AP4E1: variants seen among roughly 807,000 people sequenced by gnomAD.
AP4E1 encodes adaptor related protein complex 4 subunit epsilon 1.
AP4E1 carries 56 observed loss-of-function variants against 128.2 expected under a neutral mutation model. The ratio of observed to expected loss-of-function variants is 0.44; its 90% CI spans 0.35 to 0.55. The LOEUF (loss-of-function observed/expected upper bound fraction) is 0.55, where lower values mean the gene tolerates loss of function less well. Ranked by LOEUF, AP4E1 falls within the 20% of genes least tolerant of loss-of-function variation. The pLI, the probability that AP4E1 is intolerant of heterozygous loss-of-function variation, is 0.00. For synonymous variants in AP4E1, 484 were observed against 473.1 expected, an observed-to-expected ratio of 1.02 and a Z score of -0.30; for missense variants, 1,324 against 1,307.7, an observed-to-expected ratio of 1.01 and a Z score of -0.19.
chr15:51,001,945 C>A (rs2064968937), intron 20 of AP4E1, among the ~76,000 whole-genome samples: 1 of 152,050 alleles, frequency 6.6e-6, no homozygotes, highest in African/African-American at 2.4e-5. Context: ...GTGGTGCGAT[C>A]TGAGCTCACT....
rs1255960914 is a variant in AP4E1, at chr15:50,908,737, A to ACGGGATCGCGGGCGGCGG, written c.-38_-21dup. Reference sequence around the variant, plus strand: ...CGGCCGGGCATGAAGCCGGGCGGCTACGGGATCGCGGGCGGCGGCGGCATC... The same window carrying ACGGGATCGCGGGCGGCGG: ...CGGCCGGGCATGAAGCCGGGCGGCTACGGGATCGCGGGCGGCGGCGGGATCGCGGGCGGCGGCGGCATC... On this transcript the variant is annotated 5_prime_UTR_variant, in exon 1 of 21. Transcript: ENST00000261842. The ACGGGATCGCGGGCGGCGG allele has an allele frequency of 1.1e-5, 16 of 1,481,642 alleles. No homozygotes were observed. Among genetic ancestry groups the ACGGGATCGCGGGCGGCGG allele is most frequent in the East Asian group, 2.8e-5 (1 of 35,500 alleles). 91.8% of individuals were successfully genotyped at this position (1,481,642 alleles called of 1,614,324 possible).
Position 50,908,723 on chromosome 15 carries a change from G to A in AP4E1, c.-56G>A, listed in dbSNP as rs1035869608. 1.1e-5 allele frequency: 16 copies of A among 1,450,738 alleles called. No individual in the cohort carries two copies. In the East Asian group the frequency reaches 2.0e-4, roughly 18 times the overall value. The allele number at this position is 1,450,738 out of a possible 1,614,324, so 89.9% of individuals were successfully genotyped here. On this transcript the variant is annotated 5_prime_UTR_variant, in exon 1 of 21. It removes an upstream start codon present in the reference 5' UTR. Coordinates refer to ENST00000261842, the MANE Select transcript of AP4E1 (RefSeq NM_007347.5). The stretch of plus-strand genomic sequence containing the variant: ...CGGGCCGGCAGCGGCGGCCGGGCAT[G>A]AAGCCGGGCGGCTACGGGATCGCGG...
rs1193441726 is a variant in AP4E1 at position 50,930,877 on chromosome 15, C to T, written c.775C>T (p.Leu259Phe). Residue 259 changes from leucine (L) to phenylalanine (F), a missense_variant, in exon 7 of 21, where the codon CTC becomes TTC. Coordinates refer to ENST00000261842, the MANE Select transcript of AP4E1 (RefSeq NM_007347.5). ...TILKQVVGGK[L>F]PVEFNYHSVP... ...TTTGAAGCAAGTAGTTGGAGGAAAG[C>T]TCCCAGTAGAATTCAATTACCACAG... 2 of 1,614,078 alleles carry T rather than the reference C, an allele frequency of 1.2e-6. No homozygotes were observed. Among genetic ancestry groups the T allele is most frequent in the Non-Finnish European group, 1.7e-6 (2 of 1,180,004 alleles).
At chr15:50,964,411 T>C (rs1309447422) in intron 14 of AP4E1, among the ~76,000 whole-genome samples, 1 of 152,218 alleles carries the variant, frequency 6.6e-6, no homozygotes, top group Non-Finnish European at 1.5e-5. Flanking sequence ...ATCTGTGTTC[T>C]CTTGTATCTT....
At chr15:50,909,033 C>A (rs1187947050) in intron 1 of AP4E1, 105 bp downstream of exon 1, 2 of 1,528,530 alleles carry the variant, frequency 1.3e-6, no homozygotes, top group South Asian at 1.2e-5. Context: ...GGTTAGCCCT[C>A]CGGCGGGGCT....
rs911478882 is a variant in AP4E1 at position 50,989,777 on chromosome 15, T to C, written c.2091-3593T>C. Among the ~76,000 whole-genome samples the C allele has an allele frequency of 3.3e-5, 5 of 152,244 alleles. No individual in the cohort carries two copies. In the South Asian group the frequency reaches 1.0e-3, roughly 32 times the overall value. On this transcript the variant is annotated intron_variant, in intron 16 of 20. Transcript: ENST00000261842. ...CAGGGCCTTGTAAATGCCATACATA[T>C]ACATCTACTACCCTCAGAGAAATGA... is the stretch of plus-strand genomic sequence containing the variant.
chr15:50,926,457 A>T (rs557397719), intron 5 of AP4E1, among the ~76,000 whole-genome samples: 1 of 151,962 alleles, frequency 6.6e-6, no homozygotes, highest in Non-Finnish European at 1.5e-5. Flanking sequence ...AAGTTGGAAA[A>T]GGTTTGCAAT....
chr15:50,909,867 C>T (rs1366570820), intron 1 of AP4E1, among the ~76,000 whole-genome samples: 1 of 151,996 alleles, frequency 6.6e-6, no homozygotes, highest in Non-Finnish European at 1.5e-5. Context: ...TTGTACTTTT[C>T]GTAGAGACGG....
intron 14 of AP4E1, among the ~76,000 whole-genome samples, chr15:50,960,095 C>T (rs932419945): frequency 2.0e-5 from 3 of 152,136 alleles, no homozygotes; most frequent in Non-Finnish European, 4.4e-5. Context: ...AATACATATG[C>T]ACCCAACACT....
intron 16 of AP4E1, among the ~76,000 whole-genome samples, chr15:50,988,069 T>C (rs1370340906): frequency 2.0e-5 from 3 of 152,178 alleles, no homozygotes; most frequent in African/African-American, 7.2e-5. Flanking sequence ...TGTAACCGTC[T>C]CATTGGAACA....
At chr15:50,967,855 C>T (rs1024910911) in intron 14 of AP4E1, among the ~76,000 whole-genome samples, 1 of 152,168 alleles carries the variant, frequency 6.6e-6, no homozygotes, top group African/African-American at 2.4e-5. Flanking sequence ...TTCTGTTGCC[C>T]AGGCTGAAGT....
intron 8 of AP4E1, among the ~76,000 whole-genome samples, chr15:50,937,745 C>T (rs1170860235): frequency 1.3e-5 from 2 of 152,054 alleles, no homozygotes; most frequent in Non-Finnish European, 2.9e-5. Context: ...GTGGAGGGAA[C>T]ATGAGAGAAG....
rs760369482 is a variant in AP4E1, at chr15:50,929,087, T to G, written c.621T>G (p.His207Gln). ...LIAPNQVQHI[H>Q]IKFRKALCDR... ...CTCCTAATCAAGTACAACATATTCATATTAAGTTTCGGAAAGCACTTTGTG... is the reference window on the plus strand; with the variant it reads ...CTCCTAATCAAGTACAACATATTCAGATTAAGTTTCGGAAAGCACTTTGTG... Residue 207 changes from histidine to glutamine, a missense_variant, in exon 6 of 21, where the codon CAT becomes CAG. Transcript: ENST00000261842. 1 of 1,613,884 alleles carries G rather than the reference T, an allele frequency of 6.2e-7. No individual in the cohort carries two copies. The highest frequency in any genetic ancestry group is 1.7e-5 in the Admixed American group (1 of 60,024).
Position 50,949,833 on chromosome 15 carries a change from C to T in AP4E1, c.1324C>T (p.Pro442Ser), listed in dbSNP as rs772321464. 2 of 1,611,280 alleles carry T rather than the reference C, an allele frequency of 1.2e-6. No individual in the cohort carries two copies. Among genetic ancestry groups the T allele is most frequent in the African/African-American group, 2.7e-5 (2 of 74,850 alleles). The change falls in exon 12 of 21, where the codon CCT becomes TCT. Residue 442 changes from proline to serine, a missense_variant. Physicochemically the swap from Pro to Ser is moderately conservative, Grantham distance 74 (BLOSUM62 -1). Coordinates refer to ENST00000261842, the MANE Select transcript of AP4E1 (RefSeq NM_007347.5). ...TCTTAACACTGTGGACACATATGCT[C>T]CTGATAATGCATGGTTTATTCAGAC... is the stretch of plus-strand genomic sequence containing the variant. Reference protein sequence around the residue: ...KIAELAEKYAPDNAWFIQTMN... With the variant: ...KIAELAEKYASDNAWFIQTMN...
chr15:50,924,139 C>G, intron 4 of AP4E1, 135 bp downstream of exon 4: 2 of 675,628 alleles, frequency 3.0e-6, no homozygotes, highest in Non-Finnish European at 2.6e-6. Context: ...TCTTTTAGAT[C>G]AGTTTCTGCA....
chr15:50,924,631 C>T (rs151108808), intron 4 of AP4E1, among the ~76,000 whole-genome samples: 1 of 152,182 alleles, frequency 6.6e-6, no homozygotes, highest in Non-Finnish European at 1.5e-5. Flanking sequence ...TTCTTCCAAA[C>T]TTAAAAAATA....
At chr15:50,934,830 ATTT>A (rs1057404417) in intron 8 of AP4E1, 133 bp downstream of exon 8, 6 of 608,928 alleles carry the variant, frequency 9.9e-6, no homozygotes, top group Non-Finnish European at 1.7e-5. Flanking sequence ...TTGGATTATT[ATTT>A]TTTCAATGTA....
chr15:50,999,334 G>T, intron 19 of AP4E1, 72 bp downstream of exon 19: 1 of 1,331,984 alleles, frequency 7.5e-7, no homozygotes, highest in South Asian at 1.3e-5. Context: ...TCTCTGGATG[G>T]AGGCACTATG....
intron 2 of AP4E1, among the ~76,000 whole-genome samples, chr15:50,914,650 CAAAAAAAAA>C (rs60591318): frequency 1.1e-5 from 1 of 93,716 alleles, no homozygotes; most frequent in East Asian, 2.9e-4. Flanking sequence ...GACTCTGTCT[CAAAAAAAAA>C]AAAAAAAAAA....
Sources: gnomAD v4.1 joint callset for allele counts (sites outside exome capture counted in the v4.1 genomes callset) on GRCh38, gnomAD v4.1.1 for gene constraint, MANE v1.5 for transcripts, NCBI Gene and HGNC (gene_info 2026-07-23, HGNC 2026-07-21) for gene names.